The following CSMD1 variants were observed in gnomAD, a reference collection of about 807,000 sequenced individuals.
The protein encoded by CSMD1 is CUB and Sushi multiple domains 1.
In CSMD1, 213 loss-of-function variants were observed where a neutral mutation model predicts 417.5. That is an observed-to-expected ratio of 0.51 (90% CI 0.46 to 0.57). The LOEUF (loss-of-function observed/expected upper bound fraction) is 0.57, where lower values mean the gene tolerates loss of function less well. Ranked by LOEUF, CSMD1 falls within the 20% of genes least tolerant of loss-of-function variation. The probability of loss-of-function intolerance (pLI) is 0.00; values close to 1 mark genes in which losing one functional copy is unlikely to be tolerated. For missense variants in CSMD1, 6,923 were observed against 4,529.7 expected (o/e 1.53, Z -15.17); for synonymous variants, 2,862 against 1,736.8 (o/e 1.65, Z -16.11).
chr8:3,792,219 G>T (rs1372428240), intron 5 of CSMD1, among the ~76,000 whole-genome samples: 2 of 152,052 alleles, frequency 1.3e-5, no homozygotes, highest in Admixed American at 6.5e-5. Context: ...CTCAAGCCCA[G>T]GAGGGCGAGG....
intron 54 of CSMD1, among the ~76,000 whole-genome samples, chr8:2,984,344 ATT>A (rs1025790024): frequency 1.3e-5 from 2 of 151,572 alleles, no homozygotes; most frequent in African/African-American, 4.8e-5. Flanking sequence ...GAGGCTATTT[ATT>A]TACTTTTTCT....
intron 3 of CSMD1, among the ~76,000 whole-genome samples, chr8:4,268,536 A>T (rs1263989821): frequency 6.6e-6 from 1 of 152,124 alleles, no homozygotes; most frequent in Non-Finnish European, 1.5e-5. Flanking sequence ...GATTTTTTAA[A>T]TTTTATTTCA....
chr8:4,075,284 T>C (rs1268174633), intron 3 of CSMD1, among the ~76,000 whole-genome samples: 1 of 152,168 alleles, frequency 6.6e-6, no homozygotes, highest in African/African-American at 2.4e-5. Flanking sequence ...AGATGAATTG[T>C]TGATATATGT....
intron 3 of CSMD1, among the ~76,000 whole-genome samples, chr8:4,183,629 G>A (rs534417999): frequency 2.6e-5 from 4 of 152,116 alleles, no homozygotes; most frequent in African/African-American, 4.8e-5. Context: ...CTGTCAAATT[G>A]ATAAGCACAA....
chr8:4,404,781 GC>G (rs1364863335), intron 3 of CSMD1, among the ~76,000 whole-genome samples: 11 of 151,962 alleles, frequency 7.2e-5, no homozygotes, highest in Non-Finnish European at 1.3e-4. Flanking sequence ...ATAGCCATAA[GC>G]AAGACTTGAA....
rs190838762 is a variant in CSMD1 at position 4,169,021 on chromosome 8, G to C, written c.416-136922C>G. On this transcript the variant is annotated intron_variant, in intron 3 of 69. Coordinates refer to ENST00000635120, the MANE Select transcript of CSMD1 (RefSeq NM_033225.6). ...CTTATCAGCCGCTTACTCTTACTCT[G>C]TTCCAGTTGCTGGTTTCTTCTTTTC... Among the ~76,000 whole-genome samples, 1,005 of 152,182 alleles carry C rather than the reference G, an allele frequency of 6.6e-3. 5 individuals are homozygous for C. The highest frequency in any genetic ancestry group is 9.9e-3 in the Non-Finnish European group (671 of 68,014).
At chr8:4,777,676 T>C (rs1246547744) in intron 1 of CSMD1, among the ~76,000 whole-genome samples, 1 of 152,224 alleles carries the variant, frequency 6.6e-6, no homozygotes, top group Admixed American at 6.5e-5. Context: ...ATTGCAGTTT[T>C]GCCGTTAAAA....
At chr8:3,659,878 A>G (rs1305518651) in intron 7 of CSMD1, among the ~76,000 whole-genome samples, 1 of 152,222 alleles carries the variant, frequency 6.6e-6, no homozygotes, top group Non-Finnish European at 1.5e-5. Context: ...ATAATGCCAT[A>G]TAAATCTAAA....
chr8:3,554,913 GC>G (rs1563148703), intron 10 of CSMD1, among the ~76,000 whole-genome samples: 2 of 152,090 alleles, frequency 1.3e-5, no homozygotes, highest in African/African-American at 4.8e-5. Flanking sequence ...CAGTAACCTG[GC>G]AAGCAGCCAC....
intron 5 of CSMD1, among the ~76,000 whole-genome samples, chr8:3,796,222 T>C (rs1366247766): frequency 3.5e-5 from 2 of 57,654 alleles, no homozygotes; most frequent in African/African-American, 6.6e-5. Context: ...GATATAGATA[T>C]ATATCTATCA....
At chr8:4,067,566 G>C (rs770776544) in intron 3 of CSMD1, among the ~76,000 whole-genome samples, 1 of 151,998 alleles carries the variant, frequency 6.6e-6, no homozygotes, top group Non-Finnish European at 1.5e-5. Flanking sequence ...GCCAGAATAA[G>C]TTTCAACAAC....
At chr8:3,243,522 G>C (rs925467545) in intron 26 of CSMD1, among the ~76,000 whole-genome samples, 3 of 152,034 alleles carry the variant, frequency 2.0e-5, no homozygotes, top group Non-Finnish European at 4.4e-5. Flanking sequence ...CTCAGCAGGG[G>C]AGTTTTTGAG....
At chr8:3,455,002 T>C (rs1474387236) in intron 12 of CSMD1, among the ~76,000 whole-genome samples, 2 of 152,198 alleles carry the variant, frequency 1.3e-5, no homozygotes, top group Non-Finnish European at 2.9e-5. Context: ...TTGGAGGCTT[T>C]GTTTGTTTCT....
intron 3 of CSMD1, among the ~76,000 whole-genome samples, chr8:4,255,372 G>T (rs961981505): frequency 6.6e-6 from 1 of 152,172 alleles, no homozygotes; most frequent in East Asian, 1.9e-4. Context: ...CCAGAGAAAG[G>T]TGACTGAGCA....
chr8:4,874,413 G>T (rs1367373262), intron 1 of CSMD1, among the ~76,000 whole-genome samples: 1 of 125,502 alleles, frequency 8.0e-6, no homozygotes, highest in Non-Finnish European at 1.6e-5. Context: ...TTTCTGAGAC[G>T]GAGTCTTGCT....
chr8:4,768,277 A>C (rs76541973), intron 1 of CSMD1, among the ~76,000 whole-genome samples: 1,586 of 151,726 alleles, frequency 0.01, 10 homozygotes, highest in East Asian at 0.052. Flanking sequence ...CCTCCGAGAG[A>C]GCACAGGTAA....
At chr8:3,592,861 A>T (rs1056323651) in intron 8 of CSMD1, among the ~76,000 whole-genome samples, 4 of 152,168 alleles carry the variant, frequency 2.6e-5, no homozygotes, top group African/African-American at 9.7e-5. Context: ...AGGAGATGTG[A>T]TGGTAGGTTC....
intron 1 of CSMD1, among the ~76,000 whole-genome samples, chr8:4,681,920 G>C (rs761177275): frequency 2.6e-5 from 4 of 152,078 alleles, no homozygotes; most frequent in African/African-American, 7.2e-5. Flanking sequence ...CCTCGTGCTT[G>C]GTCACTAGGA....
At chr8:3,272,917 C>A (rs533633436) in intron 26 of CSMD1, among the ~76,000 whole-genome samples, 1 of 149,044 alleles carries the variant, frequency 6.7e-6, no homozygotes, top group East Asian at 2.0e-4. Context: ...ATTGAATACC[C>A]TTTATTTCCT....
Sources: allele counts gnomAD v4.1 joint callset (sites outside exome capture counted in the v4.1 genomes callset), GRCh38; gene constraint gnomAD v4.1.1; transcripts MANE v1.5; gene names NCBI Gene and HGNC (gene_info 2026-07-23, HGNC 2026-07-21).